Variants in SASH1 observed in about 807,000 individuals in gnomAD.
The protein encoded by SASH1 is SAM and SH3 domain-containing protein 1.
SASH1 carries 44 observed loss-of-function variants against 125.2 expected under a neutral mutation model. The observed-to-expected ratio is 0.35, with a 90% confidence interval of 0.28 to 0.45. SASH1 has a LOEUF of 0.45. Among genes scored for constraint, SASH1 ranks in the 20% least tolerant of loss-of-function variants. SASH1 has a pLI of 1.00. For missense variants in SASH1, 1,426 were observed against 1,614.5 expected, an observed-to-expected ratio of 0.88 and a Z score of 2.00; for synonymous variants, 639 against 649.1, an observed-to-expected ratio of 0.98 and a Z score of 0.24.
upstream of SASH1, among the ~76,000 whole-genome samples, chr6:148,341,925 A>G (rs879817996): frequency 6.6e-6 from 1 of 152,232 alleles, no homozygotes; most frequent in South Asian, 2.1e-4. Flanking sequence ...ATAGAATCAC[A>G]AAAGGGAAAA....
chr6:148,281,106 CTTTTTT>C (rs34144143), intron 1 of SASH1, among the ~76,000 whole-genome samples: 1 of 69,240 alleles, frequency 1.4e-5, no homozygotes, highest in East Asian at 4.3e-4. Context: ...CCATGCCTAG[CTTTTTT>C]TTTTTTTTTT....
rs542345083 is a variant in SASH1 at position 148,504,080 on chromosome 6, G to A, written c.730-10244G>A. On this transcript the variant is annotated intron_variant, in intron 8 of 19. Transcript: ENST00000367467. ...CTAGCAATGCCAATATATGTGTGAA[G>A]TCCTTGGATAAAGTATCTTTAGTCT... is the stretch of plus-strand genomic sequence containing the variant. Among the ~76,000 whole-genome samples the A allele has an allele frequency of 5.7e-4, 87 of 152,318 alleles. 1 individual carries two copies. The highest frequency in any genetic ancestry group is 3.5e-3 in the Admixed American group (54 of 15,298).
At chr6:148,416,431 A>G (rs1204811759) in intron 2 of SASH1, among the ~76,000 whole-genome samples, 1 of 152,104 alleles carries the variant, frequency 6.6e-6, no homozygotes, top group African/African-American at 2.4e-5. Flanking sequence ...GCAATAGGAG[A>G]TACTCAAGTT....
the SASH1 span, among the ~76,000 whole-genome samples, chr6:148,224,775 A>G: frequency 6.6e-6 from 1 of 152,172 alleles, no homozygotes; most frequent in African/African-American, 2.4e-5. Flanking sequence ...GTATAGTTTT[A>G]TTTTTTATAA....
rs970677047 is a variant in SASH1, at chr6:148,283,067, T to A, written n.74+10690T>A. Among the ~76,000 whole-genome samples the A allele has an allele frequency of 8.5e-5, 13 of 152,212 alleles. 1 individual carries two copies. The highest frequency in any genetic ancestry group is 3.1e-4 in the African/African-American group (13 of 41,454). Reference sequence around the variant, plus strand: ...TTCCCAATTTCATCTGGGGACTCCCTGCCAGAAAGCTTAGAATGTGCTTGC... The same window carrying A: ...TTCCCAATTTCATCTGGGGACTCCCAGCCAGAAAGCTTAGAATGTGCTTGC... On this transcript the variant is annotated intron_variant and non_coding_transcript_variant, in intron 1 of 3. Coordinates refer to the SASH1 transcript ENST00000367469.
At chr6:148,505,325 G>C (rs1779737794) in intron 8 of SASH1, among the ~76,000 whole-genome samples, 1 of 152,176 alleles carries the variant, frequency 6.6e-6, no homozygotes, top group Non-Finnish European at 1.5e-5. Context: ...TTCTGTTTTT[G>C]TTTTTTGAGA....
At chr6:148,309,140 T>C (rs1780229543) in intron 1 of SASH1, among the ~76,000 whole-genome samples, 1 of 150,664 alleles carries the variant, frequency 6.6e-6, no homozygotes, top group African/African-American at 2.4e-5. Context: ...CAGGAATGGC[T>C]TGGTGCTTGT....
chr6:148,334,267 A>C (rs1283017461), intron 1 of SASH1, among the ~76,000 whole-genome samples: 1 of 146,238 alleles, frequency 6.8e-6, no homozygotes, highest in Non-Finnish European at 1.5e-5. Flanking sequence ...TACTAAAAAT[A>C]CAAAAAAAAA....
At chr6:148,508,181 A>G (rs1779911415) in intron 8 of SASH1, among the ~76,000 whole-genome samples, 1 of 152,150 alleles carries the variant, frequency 6.6e-6, no homozygotes, top group South Asian at 2.1e-4. Context: ...TGGTTGTTAA[A>G]ATTTTAAAAA....
At chr6:148,283,240 G>T (rs1180407540) in intron 1 of SASH1, 1 of 152,350 alleles carries the variant, frequency 6.6e-6, no homozygotes, top group Non-Finnish European at 1.5e-5. Flanking sequence ...CTGCAAGTCA[G>T]CTCCTTCCTC....
At chr6:148,302,595 T>TACACACAC (rs66830113) in intron 1 of SASH1, among the ~76,000 whole-genome samples, 10 of 147,750 alleles carry the variant, frequency 6.8e-5, no homozygotes, top group Non-Finnish European at 1.2e-4. Flanking sequence ...TATGCACACA[T>TACACACAC]ACACACACAC....
chr6:148,268,485 G>A (rs1027171291), upstream of SASH1, among the ~76,000 whole-genome samples: 4 of 152,200 alleles, frequency 2.6e-5, no homozygotes, highest in Non-Finnish European at 5.9e-5. Flanking sequence ...ATCAACTGCT[G>A]ATATGCAAGT....
At chr6:148,254,234 A>G in the SASH1 span, among the ~76,000 whole-genome samples, 1 of 152,132 alleles carries the variant, frequency 6.6e-6, no homozygotes, top group Non-Finnish European at 1.5e-5. Context: ...AAGAAAATAG[A>G]ATATAACGCA....
At chr6:148,359,426 C>T (rs180989373) in intron 1 of SASH1, among the ~76,000 whole-genome samples, 1 of 151,640 alleles carries the variant, frequency 6.6e-6, no homozygotes, top group Non-Finnish European at 1.5e-5. Context: ...TTTTGAGTCC[C>T]TATGTCACAT....
At chr6:148,483,747 C>T (rs995005488) in intron 7 of SASH1, among the ~76,000 whole-genome samples, 2 of 152,074 alleles carry the variant, frequency 1.3e-5, no homozygotes, top group South Asian at 2.1e-4. Flanking sequence ...TGAATTTATA[C>T]CTATAGGATA....
chr6:148,451,732 T>C (rs1003547397), intron 4 of SASH1, among the ~76,000 whole-genome samples: 1 of 152,122 alleles, frequency 6.6e-6, no homozygotes, highest in Admixed American at 6.6e-5. Flanking sequence ...ATTTAGAAAA[T>C]CATGCTGTGG....
chr6:148,427,885 C>T (rs1346045015), intron 2 of SASH1, among the ~76,000 whole-genome samples: 3 of 152,194 alleles, frequency 2.0e-5, no homozygotes, highest in Admixed American at 6.5e-5. Flanking sequence ...CGCTTTCATT[C>T]GGGGATCTCA....
chr6:148,378,316 A>C (rs1205274548), intron 1 of SASH1, among the ~76,000 whole-genome samples: 1 of 150,916 alleles, frequency 6.6e-6, no homozygotes, highest in Non-Finnish European at 1.5e-5. Flanking sequence ...AGCCTCCCAG[A>C]GTCCTGGGAT....
chr6:148,443,369 G>A (rs1434478076), intron 4 of SASH1, among the ~76,000 whole-genome samples: 3 of 87,782 alleles, frequency 3.4e-5, no homozygotes, highest in African/African-American at 1.3e-4. Flanking sequence ...ATTAATTTTG[G>A]TCATTCACTT....
Sources: gnomAD v4.1 joint callset for allele counts (sites outside exome capture counted in the v4.1 genomes callset) on GRCh38, gnomAD v4.1.1 for gene constraint, MANE v1.5 for transcripts, NCBI Gene and HGNC (gene_info 2026-07-23, HGNC 2026-07-21) for gene names.